PCDH9: variants seen among roughly 807,000 people sequenced by gnomAD.
PCDH9 encodes protocadherin-9.
PCDH9 carries 24 observed loss-of-function variants against 70.6 expected under a neutral mutation model. The observed-to-expected ratio is 0.34, with a 90% CI of 0.25 to 0.48. The LOEUF (loss-of-function observed/expected upper bound fraction) is 0.48, where lower values mean the gene tolerates loss of function less well. Among genes scored for constraint, PCDH9 ranks in the 20% least tolerant of loss-of-function variants. The pLI is 0.99. For missense variants in PCDH9, 1,281 were observed against 1,503.6 expected (o/e 0.85, Z 2.45); for synonymous variants, 562 against 558.5 (o/e 1.01, Z -0.09).
intron 4 of PCDH9, among the ~76,000 whole-genome samples, chr13:66,512,634 A>G (rs1959534726): frequency 6.6e-6 from 1 of 152,064 alleles, no homozygotes; most frequent in Admixed American, 6.6e-5. Context: ...TATTTCGAGA[A>G]GTAAAACACA....
intron 2 of PCDH9, among the ~76,000 whole-genome samples, chr13:67,152,697 A>T (rs892894636): frequency 2.6e-4 from 40 of 151,030 alleles, no homozygotes; most frequent in Non-Finnish European, 1.0e-4. Context: ...TTTTTTTCCA[A>T]GTGAGGGAAA....
chr13:67,168,166 A>G (rs897321202), intron 2 of PCDH9, among the ~76,000 whole-genome samples: 3 of 152,244 alleles, frequency 2.0e-5, no homozygotes, highest in African/African-American at 7.2e-5. Context: ...ATTCACATTT[A>G]TGACAAGTTG....
chr13:66,986,817 G>A (rs1046889135), intron 2 of PCDH9, among the ~76,000 whole-genome samples: 13 of 151,876 alleles, frequency 8.6e-5, no homozygotes, highest in African/African-American at 2.9e-4. Flanking sequence ...AATTTTTAAA[G>A]TGTTTAAAAT....
At chr13:66,333,071 G>T (rs1416695571) in intron 4 of PCDH9, among the ~76,000 whole-genome samples, 1 of 151,916 alleles carries the variant, frequency 6.6e-6, no homozygotes, top group Non-Finnish European at 1.5e-5. Flanking sequence ...AATTATGATA[G>T]AATTGAAAAC....
chr13:67,073,766 C>G (rs1330684321), intron 2 of PCDH9, among the ~76,000 whole-genome samples: 1 of 151,996 alleles, frequency 6.6e-6, no homozygotes, highest in Non-Finnish European at 1.5e-5. Flanking sequence ...TGGTAACTTT[C>G]ATTTTGTATG....
intron 4 of PCDH9, among the ~76,000 whole-genome samples, chr13:66,581,441 C>T (rs2076890894): frequency 6.6e-6 from 1 of 151,936 alleles, no homozygotes; most frequent in Non-Finnish European, 1.5e-5. Context: ...CGTTTTTTGT[C>T]TCAAAGAAGA....
intron 2 of PCDH9, among the ~76,000 whole-genome samples, chr13:67,016,653 C>T (rs532502194): frequency 4.8e-4 from 73 of 152,182 alleles, no homozygotes; most frequent in African/African-American, 1.7e-3. Flanking sequence ...TTGTACTTTC[C>T]CCATATTCTC....
At chr13:66,566,662 T>C (rs1295467571) in intron 4 of PCDH9, among the ~76,000 whole-genome samples, 1 of 152,182 alleles carries the variant, frequency 6.6e-6, no homozygotes. Flanking sequence ...AATTTAATAG[T>C]TGATATGTCA....
At chr13:66,953,002 A>T (rs2083208419) in intron 2 of PCDH9, among the ~76,000 whole-genome samples, 4 of 152,052 alleles carry the variant, frequency 2.6e-5, no homozygotes. Flanking sequence ...ACATTCTCAT[A>T]CATTTAACTT....
intron 3 of PCDH9, among the ~76,000 whole-genome samples, chr13:66,775,022 G>C (rs995228855): frequency 6.6e-6 from 1 of 152,130 alleles, no homozygotes; most frequent in Non-Finnish European, 1.5e-5. Context: ...TGATGATTAA[G>C]TTCCCATTTT....
chr13:66,355,508 C>T (rs1956367591), intron 4 of PCDH9, among the ~76,000 whole-genome samples: 1 of 151,944 alleles, frequency 6.6e-6, no homozygotes, highest in Non-Finnish European at 1.5e-5. Context: ...TTTAAAATGG[C>T]CTCAAGCATA....
At chr13:66,879,150 T>C (rs983788156) in intron 3 of PCDH9, among the ~76,000 whole-genome samples, 1 of 152,036 alleles carries the variant, frequency 6.6e-6, no homozygotes, top group Non-Finnish European at 1.5e-5. Flanking sequence ...GAGTAGAGAG[T>C]AGTGCCTTAT....
Position 67,189,744 on chromosome 13 carries a change from C to G in PCDH9, c.3036+35661G>C, listed in dbSNP as rs556450808. ...TAACGAGGCAGTACTGAAAGGAGCC[C>G]TAAGTGGATGAAGGAGAAAGCCATT... On this transcript the variant is annotated intron_variant, in intron 2 of 4. Coordinates refer to ENST00000377865, the MANE Select transcript of PCDH9 (RefSeq NM_203487.3). 2.6e-5 allele frequency among the ~76,000 whole-genome samples: 4 copies of G among 151,716 alleles called. 1 individual carries two copies. In the South Asian group the frequency reaches 8.3e-4, roughly 32 times the overall value.
rs151264802 is a variant in PCDH9, at chr13:67,228,911, A to C, written c.-135-336T>G. 2.4e-3 allele frequency among the ~76,000 whole-genome samples: 367 copies of C among 151,730 alleles called. 3 individuals are homozygous for C. The highest frequency in any genetic ancestry group is 8.1e-3 in the African/African-American group (336 of 41,356). On this transcript the variant is annotated intron_variant, in intron 1 of 4. Coordinates refer to ENST00000377865, the MANE Select transcript of PCDH9 (RefSeq NM_203487.3). ...TCACCCTCCTCCTAGCCTCTAACCT[A>C]CCTCCCTCAGTCTTTTCAGGTGCAA...
intron 4 of PCDH9, among the ~76,000 whole-genome samples, chr13:66,627,156 G>T (rs890280503): frequency 6.6e-6 from 1 of 151,984 alleles, no homozygotes; most frequent in Non-Finnish European, 1.5e-5. Flanking sequence ...TGAAAAAACA[G>T]AAATCTAGAT....
At chr13:66,913,709 G>T (rs890559364) in intron 2 of PCDH9, among the ~76,000 whole-genome samples, 1 of 151,934 alleles carries the variant, frequency 6.6e-6, no homozygotes, top group Non-Finnish European at 1.5e-5. Flanking sequence ...TCTAACTTTA[G>T]ACTTCTATAA....
intron 4 of PCDH9, among the ~76,000 whole-genome samples, chr13:66,431,936 A>C (rs1417226033): frequency 6.6e-6 from 1 of 151,972 alleles, no homozygotes; most frequent in East Asian, 1.9e-4. Context: ...AGATTCTAAC[A>C]TTGTTGGTTT....
intron 4 of PCDH9, among the ~76,000 whole-genome samples, chr13:66,584,328 C>T (rs1350025626): frequency 2.0e-5 from 3 of 152,066 alleles, no homozygotes; most frequent in East Asian, 1.9e-4. Flanking sequence ...ATATACTCAA[C>T]GGAATGATTT....
At chr13:66,544,796 C>T (rs1357952424) in intron 4 of PCDH9, among the ~76,000 whole-genome samples, 1 of 152,016 alleles carries the variant, frequency 6.6e-6, no homozygotes, top group African/African-American at 2.4e-5. Flanking sequence ...ATTGATGCGG[C>T]CATCAATACA....
Sources: allele counts gnomAD v4.1 joint callset (sites outside exome capture counted in the v4.1 genomes callset), GRCh38; gene constraint gnomAD v4.1.1; transcripts MANE v1.5; gene names NCBI Gene and HGNC (gene_info 2026-07-23, HGNC 2026-07-21).